The following ASB13 variants were observed in gnomAD, a reference collection of about 807,000 sequenced individuals.
ASB13 encodes the protein ankyrin repeat and SOCS box protein 13.
ASB13 carries 33 observed loss-of-function variants against 28.8 expected under a neutral mutation model. The observed-to-expected ratio is 1.15, with a 90% CI of 0.87 to 1.53. The LOEUF (loss-of-function observed/expected upper bound fraction) is 1.53. ASB13 is among the 40% of genes most tolerant of loss of function. The pLI, the probability that ASB13 is intolerant of heterozygous loss-of-function variation, is 0.00. For missense variants in ASB13, 414 were observed against 390.1 expected, an observed-to-expected ratio of 1.06 and a Z score of -0.52; for synonymous variants, 182 against 172.9, an observed-to-expected ratio of 1.05 and a Z score of -0.41.
rs143071438 is a variant in ASB13 at position 5,644,243 on chromosome 10, C to T, written c.518-2282G>A. On this transcript the variant is annotated intron_variant, in intron 4 of 5. Transcript: ENST00000357700. This position sits in a 1 kb window ranked among gnomAD's most constrained non-coding sequence, Gnocchi z 5.1. ...GGTACAGGGCTCACGCCTGTAATCT[C>T]AGCACTTTGGGAATTCGAGGCGAGC... 2.0e-4 allele frequency among the ~76,000 whole-genome samples: 30 copies of T among 152,316 alleles called. No individual in the cohort carries two copies. In the East Asian group the frequency reaches 2.5e-3, roughly 13 times the overall value.
At chr10:5,665,079 A>G (rs564150974) in intron 1 of ASB13, among the ~76,000 whole-genome samples, 1 of 152,092 alleles carries the variant, frequency 6.6e-6, no homozygotes, top group African/African-American at 2.4e-5. Flanking sequence ...CTGGTCTCGA[A>G]CTCCTGACTT....
rs1245080929 is a variant in ASB13, at chr10:5,649,281, G to T, written c.383-177C>A. 6.6e-6 allele frequency among the ~76,000 whole-genome samples: 1 copy of T among 152,168 alleles called. No individual in the cohort carries two copies. The highest frequency in any genetic ancestry group is 2.4e-5 in the African/African-American group (1 of 41,440). On this transcript the variant is annotated intron_variant, in intron 3 of 5. Transcript: ENST00000357700. This position sits in a 1 kb window ranked among gnomAD's most constrained non-coding sequence, Gnocchi z 6.4. ...ACCCGCATGGCCCTCAGGAAGCCAG[G>T]ACACGGCTCTGCGCCCCGCTGAGGA... is the stretch of plus-strand genomic sequence containing the variant.
rs1469639482 is a variant in ASB13 at position 5,651,491 on chromosome 10, C to T, written c.232-128G>A. 2 of 1,080,116 alleles carry T rather than the reference C, an allele frequency of 1.9e-6. No homozygotes were observed. Among genetic ancestry groups the T allele is most frequent in the Non-Finnish European group, 2.6e-6 (2 of 770,458 alleles). The allele number at this position is 1,080,116 out of a possible 1,614,324, so 66.9% of individuals were successfully genotyped here. A position where few individuals can be genotyped will look rare whatever the true frequency, so the allele number is the denominator to read the frequency against. ...CACCGGTTTGCTTTGCTATTATGTG[C>T]TAGGCAACGACACTGAAAGAGATAG... is the stretch of plus-strand genomic sequence containing the variant. On this transcript the variant is annotated intron_variant, in intron 2 of 5. Coordinates refer to ENST00000357700, the MANE Select transcript of ASB13 (RefSeq NM_024701.4). This position sits in a 1 kb window ranked among gnomAD's most constrained non-coding sequence, Gnocchi z 5.1.
chr10:5,648,961 C>T lies in ASB13; in HGVS notation c.517+9G>A, dbSNP rs1393331771. 1.9e-6 allele frequency: 3 copies of T among 1,613,498 alleles called. No individual in the cohort carries two copies. The highest frequency in any genetic ancestry group is 2.5e-6 in the Non-Finnish European group (3 of 1,179,444). On this transcript the variant is annotated intron_variant, in intron 4 of 5. Coordinates refer to ENST00000357700, the MANE Select transcript of ASB13 (RefSeq NM_024701.4). ...AGGTAAACACCCGCTCGGGCAAACACCCACTCACCTGCATTGAGCAGCACT... is the reference window on the plus strand; with the variant it reads ...AGGTAAACACCCGCTCGGGCAAACATCCACTCACCTGCATTGAGCAGCACT...
At chr10:5,654,403 G>A (rs765473920) in intron 1 of ASB13, among the ~76,000 whole-genome samples, 1 of 152,140 alleles carries the variant, frequency 6.6e-6, no homozygotes, top group Non-Finnish European at 1.5e-5. Flanking sequence ...TGGCAAAGCC[G>A]GGAAAGGACT....
At position 5,652,828 on chromosome 10, in the gene ASB13, G is replaced by A; in HGVS notation, c.231+35C>T. The stretch of plus-strand genomic sequence containing the variant: ...AACCTCCTCCATTCTGGCAGCTGCA[G>A]CCAGTCTGGGGGTCTGCCCTGAAGG... On this transcript the variant is annotated intron_variant, in intron 2 of 5. Transcript: ENST00000357700. This position sits in a 1 kb window ranked among gnomAD's most constrained non-coding sequence, Gnocchi z 5.0. 1 of 1,478,762 alleles carries A rather than the reference G, an allele frequency of 6.8e-7. No individual in the cohort carries two copies. Among genetic ancestry groups the A allele is most frequent in the Non-Finnish European group, 9.0e-7 (1 of 1,112,098 alleles). The allele number at this position is 1,478,762 out of a possible 1,614,324, so 91.6% of individuals were successfully genotyped here.
Position 5,649,246 on chromosome 10 carries a change from G to A in ASB13, c.383-142C>T, listed in dbSNP as rs1203529641. 8.5e-6 allele frequency: 10 copies of A among 1,181,544 alleles called. No homozygotes were observed. The highest frequency in any genetic ancestry group is 1.2e-5 in the Non-Finnish European group (10 of 833,740). 73.2% of individuals were successfully genotyped at this position (1,181,544 alleles called of 1,614,324 possible). A position where few individuals can be genotyped will look rare whatever the true frequency, so the allele number is the denominator to read the frequency against. ...GCAGGCCTGCGTCCCAACCTAGGGA[G>A]GAGTTCATGACCCGCATGGCCCTCA... On this transcript the variant is annotated intron_variant, in intron 3 of 5. Coordinates refer to ENST00000357700, the MANE Select transcript of ASB13 (RefSeq NM_024701.4). The surrounding 1 kb of genome is among the most constrained non-coding windows in gnomAD (Gnocchi z 6.4).
Position 5,663,120 on chromosome 10 carries a change from A to G in ASB13, c.43+3389T>C, listed in dbSNP as rs1835202876. On this transcript the variant is annotated intron_variant, in intron 1 of 5. Transcript: ENST00000357700. The surrounding 1 kb of genome is among the most constrained non-coding windows in gnomAD (Gnocchi z 4.9). ...AGCAGACTGATTTTAAGATGTGTTC[A>G]ATGAAGCAAAAATGCCAGTATTTGC... 6.6e-6 allele frequency among the ~76,000 whole-genome samples: 1 copy of G among 152,206 alleles called. No individual in the cohort carries two copies. The highest frequency in any genetic ancestry group is 1.5e-5 in the Non-Finnish European group (1 of 68,050).
rs906138540 is a variant in ASB13, at chr10:5,655,919, C to T, written c.44-2869G>A. ...TCACAAGACGTCCAGGTGGATTTAG[C>T]GTCTTCCGCTGCCACACGCAAAGAT... is the stretch of plus-strand genomic sequence containing the variant. On this transcript the variant is annotated intron_variant, in intron 1 of 5. Transcript: ENST00000357700. This position sits in a 1 kb window ranked among gnomAD's most constrained non-coding sequence, Gnocchi z 6.2. Among the ~76,000 whole-genome samples, 1 of 152,176 alleles carries T rather than the reference C, an allele frequency of 6.6e-6. No homozygotes were observed. The highest frequency in any genetic ancestry group is 1.5e-5 in the Non-Finnish European group (1 of 68,012).
intron 1 of ASB13, among the ~76,000 whole-genome samples, chr10:5,662,537 G>GT (rs1554744095): frequency 3.4e-5 from 1 of 29,142 alleles, no homozygotes; most frequent in East Asian, 5.8e-4. Context: ...CGAGAAGGGG[G>GT]GGGGAGGGGA....
chr10:5,642,934 A>T lies in ASB13; in HGVS notation c.518-973T>A, dbSNP rs1037639870. ...GGCATTTTGCAACACACTAAAAAAA[A>T]TTTTGATAAAAATATGATTTTTGTA... On this transcript the variant is annotated intron_variant, in intron 4 of 5. Transcript: ENST00000357700. This position sits in a 1 kb window ranked among gnomAD's most constrained non-coding sequence, Gnocchi z 4.1. 7.2e-5 allele frequency among the ~76,000 whole-genome samples: 11 copies of T among 152,212 alleles called. No individual in the cohort carries two copies. Among genetic ancestry groups the T allele is most frequent in the South Asian group, 2.1e-4 (1 of 4,832 alleles).
At chr10:5,654,107 C>T (rs1835033654) in intron 1 of ASB13, among the ~76,000 whole-genome samples, 1 of 149,888 alleles carries the variant, frequency 6.7e-6, no homozygotes, top group African/African-American at 2.5e-5. Context: ...AGTCATTCAC[C>T]TTTAAGGACG....
Position 5,640,426 on chromosome 10 carries a change from A to T in ASB13, c.*277T>A, listed in dbSNP as rs911510760. The T allele has an allele frequency of 8.4e-6, 3 of 355,650 alleles. 1 individual carries two copies. In the South Asian group the frequency reaches 1.1e-4, roughly 13 times the overall value. 22.0% of individuals were successfully genotyped at this position (355,650 alleles called of 1,614,324 possible). On this transcript the variant is annotated 3_prime_UTR_variant, in exon 6 of 6. Coordinates refer to ENST00000357700, the MANE Select transcript of ASB13 (RefSeq NM_024701.4). The stretch of plus-strand genomic sequence containing the variant: ...TTGAGGATGGTCCGTAAAAGAGGAA[A>T]ACTGGATGGTTGGGCCCATGCCCAT...
At chr10:5,662,757 A>C (rs1835196959) in intron 1 of ASB13, among the ~76,000 whole-genome samples, 1 of 152,204 alleles carries the variant, frequency 6.6e-6, no homozygotes, top group South Asian at 2.1e-4. Flanking sequence ...GGCTAAATCC[A>C]CAAAGACAAA....
In ASB13 at chr10:5,655,103, T is replaced by TA. The variant is rs75163537; in HGVS notation, c.44-2054dup. On this transcript the variant is annotated intron_variant, in intron 1 of 5. Transcript: ENST00000357700. The surrounding 1 kb of genome is among the most constrained non-coding windows in gnomAD (Gnocchi z 6.2). ...GGCAACAAGAGTGAAACTCTGTCTT[T>TA]AAAAAAAAAAAAAAAGTGTCTGCAT... Among the ~76,000 whole-genome samples the TA allele has an allele frequency of 6.8e-3, 962 of 140,610 alleles. 3 individuals carry two copies. Among genetic ancestry groups the TA allele is most frequent in the Middle Eastern group, 0.011 (3 of 282 alleles). The allele number at this position is 140,610 out of a possible 152,430, so 92.2% of individuals were successfully genotyped here. A position where few individuals can be genotyped will look rare whatever the true frequency, so the allele number is the denominator to read the frequency against.
At chr10:5,643,982 T>A (rs1185435327) in intron 4 of ASB13, among the ~76,000 whole-genome samples, 2 of 152,226 alleles carry the variant, frequency 1.3e-5, no homozygotes, top group Non-Finnish European at 2.9e-5. Flanking sequence ...GAGGCAGCCT[T>A]CCCAATGTAC....
At position 5,640,248 on chromosome 10, in the gene ASB13, T is replaced by G. The variant is rs923748934; in HGVS notation, c.*455A>C. On this transcript the variant is annotated 3_prime_UTR_variant, in exon 6 of 6. Coordinates refer to ENST00000357700, the MANE Select transcript of ASB13 (RefSeq NM_024701.4). Reference sequence around the variant, plus strand: ...CATTCCCTATGAGCACCGAGGGCAGTCCTGGTGCCGACCCGGAGGTGGTGG... The same window carrying G: ...CATTCCCTATGAGCACCGAGGGCAGGCCTGGTGCCGACCCGGAGGTGGTGG... 3 of 159,662 alleles carry G rather than the reference T, an allele frequency of 1.9e-5. No homozygotes were observed. The highest frequency in any genetic ancestry group is 1.8e-4 in the Admixed American group (3 of 16,380). The allele number at this position is 159,662 out of a possible 1,614,324, so 9.9% of individuals were successfully genotyped here.
chr10:5,649,962 C>T lies in ASB13; in HGVS notation c.383-858G>A, dbSNP rs999051447. Among the ~76,000 whole-genome samples the T allele has an allele frequency of 6.6e-6, 1 of 152,188 alleles. No homozygotes were observed. Among genetic ancestry groups the T allele is most frequent in the African/African-American group, 2.4e-5 (1 of 41,452 alleles). On this transcript the variant is annotated intron_variant, in intron 3 of 5. Transcript: ENST00000357700. The surrounding 1 kb of genome is among the most constrained non-coding windows in gnomAD (Gnocchi z 6.4). ...CTTTCCGTTCACTCAATTACCTCTT[C>T]ACTGTTGGCAGCTCCCTAATTTTCC...
At chr10:5,648,821 C>G in intron 4 of ASB13, 149 bp downstream of exon 4, 1 of 1,451,760 alleles carries the variant, frequency 6.9e-7, no homozygotes, top group Non-Finnish European at 9.3e-7. Context: ...TAAACACCCA[C>G]GCGGGCAAAC....
Sources: gnomAD v4.1 joint callset for allele counts (sites outside exome capture counted in the v4.1 genomes callset) on GRCh38, gnomAD v4.1.1 for gene constraint, Gnocchi (gnomAD v3.1) non-coding constraint, MANE v1.5 for transcripts, NCBI Gene and HGNC (gene_info 2026-07-23, HGNC 2026-07-21) for gene names.